The following PLXNA4 variants were observed in gnomAD, a reference collection of about 807,000 sequenced individuals.
PLXNA4 encodes plexin-A4.
A neutral mutation model predicts 191.8 loss-of-function variants in PLXNA4; 44 were observed. The ratio of observed to expected loss-of-function variants is 0.23; its 90% confidence interval spans 0.18 to 0.29. The LOEUF (loss-of-function observed/expected upper bound fraction) is 0.29. Among genes scored for constraint, PLXNA4 ranks in the 10% least tolerant of loss-of-function variants. The pLI, the probability that PLXNA4 is intolerant of heterozygous loss-of-function variation, is 1.00. For missense variants in PLXNA4, 1,800 were observed against 2,488.8 expected (o/e 0.72, Z 5.89); for synonymous variants, 1,082 against 1,009.5 (o/e 1.07, Z -1.36).
intron 1 of PLXNA4, among the ~76,000 whole-genome samples, chr7:132,546,599 A>G (rs959678469): frequency 6.6e-6 from 1 of 152,222 alleles, no homozygotes; most frequent in African/African-American, 2.4e-5. Context: ...TTGAGTGCTA[A>G]GCTTTTTTAA....
chr7:132,407,453 C>T (rs1369998601), intron 3 of PLXNA4, among the ~76,000 whole-genome samples: 1 of 152,240 alleles, frequency 6.6e-6, no homozygotes, highest in African/African-American at 2.4e-5. Context: ...ATGCATCCTA[C>T]ATGCATGCAC....
chr7:132,152,032 A>C (rs1244771820), intron 25 of PLXNA4, among the ~76,000 whole-genome samples: 1 of 151,986 alleles, frequency 6.6e-6, no homozygotes, highest in Non-Finnish European at 1.5e-5. Flanking sequence ...TATGGTCTCT[A>C]TTTTCCCTAG....
chr7:132,198,380 C>T, intron 13 of PLXNA4, 105 bp downstream of exon 13: 2 of 1,462,670 alleles, frequency 1.4e-6, no homozygotes, highest in South Asian at 2.9e-5. Context: ...CTCCTTTTTC[C>T]CCCACAACAA....
intron 3 of PLXNA4, among the ~76,000 whole-genome samples, chr7:132,430,534 G>A (rs1795219932): frequency 6.6e-6 from 1 of 152,076 alleles, no homozygotes; most frequent in Admixed American, 6.5e-5. Context: ...GTCGGATTAG[G>A]GTATGCACAG....
chr7:132,224,223 T>C lies in PLXNA4; in HGVS notation c.1983-582A>G, dbSNP rs930144624. Among the ~76,000 whole-genome samples, 3 of 152,168 alleles carry C rather than the reference T, an allele frequency of 2.0e-5. No individual in the cohort carries two copies. In the South Asian group the frequency reaches 6.2e-4, roughly 32 times the overall value. On this transcript the variant is annotated intron_variant, in intron 8 of 31. Coordinates refer to ENST00000321063, the MANE Select transcript of PLXNA4 (RefSeq NM_020911.2). ...TTCCAAAAACTCAAATGCCTCTCCA[T>C]ACAGGCTATGCCCTTCACGGTATAG...
At chr7:132,256,323 C>T (rs11972157) in intron 4 of PLXNA4, among the ~76,000 whole-genome samples, 3 of 152,192 alleles carry the variant, frequency 2.0e-5, no homozygotes, top group African/African-American at 4.8e-5. Flanking sequence ...GCATGCCATA[C>T]GTGGAATTCA....
At chr7:132,591,505 C>A (rs898906829) in intron 2 of PLXNA4, among the ~76,000 whole-genome samples, 8 of 152,120 alleles carry the variant, frequency 5.3e-5, no homozygotes, top group Non-Finnish European at 7.3e-5. Flanking sequence ...TTTTCTCATT[C>A]TTTTAAAATA....
At chr7:132,628,650 A>G (rs2116875838) in intron 2 of PLXNA4, among the ~76,000 whole-genome samples, 1 of 150,222 alleles carries the variant, frequency 6.7e-6, no homozygotes, top group Non-Finnish European at 1.5e-5. Context: ...CTTCCATTTC[A>G]GTCTCTAGGT....
chr7:132,472,980 T>C (rs1796987198), intron 3 of PLXNA4, among the ~76,000 whole-genome samples: 2 of 152,176 alleles, frequency 1.3e-5, no homozygotes. Flanking sequence ...CTAAACATTA[T>C]CATTGTGGAG....
intron 2 of PLXNA4, among the ~76,000 whole-genome samples, chr7:132,633,980 A>G (rs1423776992): frequency 6.6e-6 from 1 of 151,698 alleles, no homozygotes; most frequent in Non-Finnish European, 1.5e-5. Context: ...ACACACACAA[A>G]CACACAGTGT....
At chr7:132,639,149 C>G (rs1365338260) in intron 2 of PLXNA4, among the ~76,000 whole-genome samples, 1 of 152,202 alleles carries the variant, frequency 6.6e-6, no homozygotes. Context: ...GGCCAGTGGG[C>G]CCAGAATAGC....
chr7:132,448,924 C>T (rs1472204713), intron 3 of PLXNA4, among the ~76,000 whole-genome samples: 1 of 152,172 alleles, frequency 6.6e-6, no homozygotes, highest in African/African-American at 2.4e-5. Context: ...AGGGATTGTA[C>T]CTTTCATTTC....
At chr7:132,607,246 T>C (rs1802944487) in intron 2 of PLXNA4, among the ~76,000 whole-genome samples, 1 of 152,166 alleles carries the variant, frequency 6.6e-6, no homozygotes, top group Admixed American at 6.5e-5. Context: ...CTTCTGAGCG[T>C]GGTTTCAAAT....
chr7:132,283,365 T>C (rs527426572), intron 4 of PLXNA4, among the ~76,000 whole-genome samples: 6 of 152,284 alleles, frequency 3.9e-5, no homozygotes, highest in African/African-American at 1.4e-4. Context: ...AACAGTGAAT[T>C]AGAGACTGAG....
chr7:132,132,446 TG>T (rs1315595420), intron 31 of PLXNA4, among the ~76,000 whole-genome samples: 53 of 51,098 alleles, frequency 1.0e-3, no homozygotes, highest in African/African-American at 3.0e-3. Context: ...TGTTCTGTTC[TG>T]TTCTGTTCTG....
intron 3 of PLXNA4, among the ~76,000 whole-genome samples, chr7:132,397,077 C>G (rs1446216212): frequency 6.6e-6 from 1 of 152,236 alleles, no homozygotes; most frequent in Non-Finnish European, 1.5e-5. Context: ...TGCAGGGATA[C>G]CCAGCCATCC....
rs202150052 is a variant in PLXNA4 at position 132,647,539 on chromosome 7, G to A, written c.-203+975C>T. Among the ~76,000 whole-genome samples, 232 of 147,008 alleles carry A rather than the reference G, an allele frequency of 1.6e-3. 7 individuals are homozygous for A. In the East Asian group the frequency reaches 0.041, roughly 26 times the overall value. ...AAAACACATGCTATCATATACACACGTACACTCACATACTCACACATATGC... is the reference window on the plus strand; with the variant it reads ...AAAACACATGCTATCATATACACACATACACTCACATACTCACACATATGC... On this transcript the variant is annotated intron_variant, in intron 1 of 4. Transcript: ENST00000378539.
At chr7:132,189,341 C>T (rs1023262546) in intron 14 of PLXNA4, among the ~76,000 whole-genome samples, 10 of 151,872 alleles carry the variant, frequency 6.6e-5, no homozygotes, top group Non-Finnish European at 1.2e-4. Context: ...TGGGTTTGCA[C>T]AGGAAATCAA....
chr7:132,172,664 C>T (rs543993926), intron 21 of PLXNA4, among the ~76,000 whole-genome samples: 25 of 152,184 alleles, frequency 1.6e-4, no homozygotes, highest in East Asian at 3.9e-4. Context: ...ACATAGCCCC[C>T]GGCTAATGCG....
Sources: gnomAD v4.1 joint callset for allele counts (sites outside exome capture counted in the v4.1 genomes callset) on GRCh38, gnomAD v4.1.1 for gene constraint, MANE v1.5 for transcripts, NCBI Gene and HGNC (gene_info 2026-07-23, HGNC 2026-07-21) for gene names.